Variants in SGCZ observed in about 807,000 individuals in gnomAD.
The protein encoded by SGCZ is sarcoglycan zeta.
In SGCZ, 40 loss-of-function variants were observed where a neutral mutation model predicts 41.3. The ratio of observed to expected loss-of-function variants is 0.97; its 90% confidence interval spans 0.75 to 1.26. SGCZ has a LOEUF of 1.26. SGCZ is among the 50% of genes most tolerant of loss of function. SGCZ has a pLI of 0.00. For synonymous variants in SGCZ, 206 were observed against 137.5 expected (o/e 1.50, Z -3.49); for missense variants, 552 against 369.8 (o/e 1.49, Z -4.04).
At chr8:14,356,606 A>G (rs897345783) in intron 2 of SGCZ, among the ~76,000 whole-genome samples, 1 of 152,106 alleles carries the variant, frequency 6.6e-6, no homozygotes, top group African/African-American at 2.4e-5. Flanking sequence ...TTTTAGCCCA[A>G]TATAATAGAA....
chr8:14,125,312 G>A (rs907255154), intron 5 of SGCZ, among the ~76,000 whole-genome samples: 1 of 152,006 alleles, frequency 6.6e-6, no homozygotes, highest in African/African-American at 2.4e-5. Flanking sequence ...GACCATCCTG[G>A]CTAACATGGT....
chr8:14,963,802 T>C (rs1801043488), intron 1 of SGCZ, among the ~76,000 whole-genome samples: 1 of 152,212 alleles, frequency 6.6e-6, no homozygotes, highest in South Asian at 2.1e-4. Flanking sequence ...CTTACAAGAC[T>C]GTTTATTCCT....
intron 1 of SGCZ, among the ~76,000 whole-genome samples, chr8:14,720,861 T>C (rs184132842): frequency 1.2e-4 from 19 of 152,152 alleles, no homozygotes; most frequent in Admixed American, 6.6e-4. Context: ...TCTTCTACTG[T>C]TTTGTAAATC....
intron 1 of SGCZ, among the ~76,000 whole-genome samples, chr8:15,233,471 C>G (rs1409388297): frequency 6.6e-6 from 1 of 151,808 alleles, no homozygotes; most frequent in South Asian, 2.1e-4. Context: ...TGTTTAAATA[C>G]CTATGTATTT....
At chr8:14,183,563 T>C (rs981851749) in intron 4 of SGCZ, among the ~76,000 whole-genome samples, 2 of 152,300 alleles carry the variant, frequency 1.3e-5, no homozygotes, top group African/African-American at 4.8e-5. Flanking sequence ...AATCATTAAA[T>C]GTTTTAACTA....
intron 3 of SGCZ, among the ~76,000 whole-genome samples, chr8:14,287,253 C>CA (rs915876326): frequency 3.3e-5 from 5 of 150,788 alleles, no homozygotes; most frequent in African/African-American, 9.7e-5. Flanking sequence ...TACATAATAT[C>CA]AAAAAAATTA....
chr8:14,568,420 T>G (rs919127917), intron 1 of SGCZ, among the ~76,000 whole-genome samples: 3 of 123,120 alleles, frequency 2.4e-5, no homozygotes, highest in Non-Finnish European at 5.0e-5. Flanking sequence ...TTGATCGTTT[T>G]GAAAAAAAAA....
chr8:14,747,616 C>T (rs1292452358), intron 1 of SGCZ, among the ~76,000 whole-genome samples: 1 of 151,194 alleles, frequency 6.6e-6, no homozygotes, highest in Non-Finnish European at 1.5e-5. Flanking sequence ...ATTAAAATGA[C>T]ATATTCTGCA....
chr8:14,977,939 ATTG>A (rs1801534404), intron 1 of SGCZ, among the ~76,000 whole-genome samples: 1 of 151,654 alleles, frequency 6.6e-6, no homozygotes, highest in Non-Finnish European at 1.5e-5. Flanking sequence ...ATATCTAAAT[ATTG>A]TTTATTTTTT....
intron 2 of SGCZ, among the ~76,000 whole-genome samples, chr8:14,482,909 G>T (rs563203541): frequency 1.3e-5 from 2 of 151,984 alleles, no homozygotes; most frequent in South Asian, 4.2e-4. Context: ...GTCTCCGTTT[G>T]CAGACCACTA....
intron 1 of SGCZ, among the ~76,000 whole-genome samples, chr8:15,001,384 T>A (rs73203328): frequency 6.6e-6 from 1 of 152,274 alleles, no homozygotes; most frequent in Non-Finnish European, 1.5e-5. Flanking sequence ...TTTACTGGGA[T>A]ATTTGTCACA....
At position 14,153,925 on chromosome 8, in the gene SGCZ, A is replaced by T. The variant is rs201303499; in HGVS notation, c.547+10655T>A. 1.6e-4 allele frequency among the ~76,000 whole-genome samples: 18 copies of T among 109,870 alleles called. No individual in the cohort carries two copies. The East Asian group carries it at 4.5e-3, about 27-fold the overall frequency. The allele number at this position is 109,870 out of a possible 152,430, so 72.1% of individuals were successfully genotyped here. ...CTGTCTCTCTCTCTCTCTCTCTCTC[A>T]CACACACACACACAGACACACACAC... On this transcript the variant is annotated intron_variant, in intron 5 of 7. Transcript: ENST00000382080.
intron 1 of SGCZ, among the ~76,000 whole-genome samples, chr8:14,728,056 T>C (rs923720999): frequency 4.6e-5 from 7 of 152,106 alleles, no homozygotes; most frequent in Admixed American, 2.6e-4. Flanking sequence ...AAAATGTATC[T>C]ACGGTGATAA....
In SGCZ at chr8:14,309,161, AAAAACGAAAAAAGC is replaced by A. The variant is rs1411242831; in HGVS notation, c.336+14928_336+14941del. On this transcript the variant is annotated intron_variant, in intron 3 of 7. Coordinates refer to ENST00000382080, the MANE Select transcript of SGCZ (RefSeq NM_139167.4). ...GAACAGATGGGCACTCTGGTTTTTT[AAAAACGAAAAAAGC>A]AAAACTTGGCAAGCAAACCTGCTGC... The A allele has an allele frequency of 4.1e-6, 6 of 1,471,810 alleles. No homozygotes were observed. The African/African-American group carries it at 8.4e-5, about 21-fold the overall frequency. 91.2% of individuals were successfully genotyped at this position (1,471,810 alleles called of 1,614,324 possible).
chr8:14,120,612 A>G (rs926307256), intron 5 of SGCZ, among the ~76,000 whole-genome samples: 2 of 152,108 alleles, frequency 1.3e-5, no homozygotes, highest in Admixed American at 6.6e-5. Flanking sequence ...AATAAAACTA[A>G]CATGGTTCAC....
At chr8:15,160,289 T>C (rs951675563) in intron 1 of SGCZ, among the ~76,000 whole-genome samples, 1 of 152,304 alleles carries the variant, frequency 6.6e-6, no homozygotes, top group Non-Finnish European at 1.5e-5. Context: ...TTGTAGCAAT[T>C]CATCCAATTG....
chr8:14,194,287 T>C (rs1003188472), intron 4 of SGCZ, among the ~76,000 whole-genome samples: 4 of 151,970 alleles, frequency 2.6e-5, no homozygotes, highest in African/African-American at 9.7e-5. Flanking sequence ...TTTGGAATAC[T>C]GTAGTTTATT....
intron 1 of SGCZ, among the ~76,000 whole-genome samples, chr8:14,637,787 G>C (rs985372193): frequency 2.0e-5 from 3 of 151,750 alleles, no homozygotes; most frequent in Non-Finnish European, 2.9e-5. Context: ...AAATATGCAT[G>C]CATGTATCTT....
At chr8:15,094,107 G>A (rs913871140) in intron 1 of SGCZ, among the ~76,000 whole-genome samples, 4 of 151,924 alleles carry the variant, frequency 2.6e-5, no homozygotes, top group South Asian at 2.1e-4. Flanking sequence ...AGAGTGATAC[G>A]GCAGTTGTTT....
Sources: gnomAD v4.1 joint callset for allele counts (sites outside exome capture counted in the v4.1 genomes callset) on GRCh38, gnomAD v4.1.1 for gene constraint, MANE v1.5 for transcripts, NCBI Gene and HGNC (gene_info 2026-07-23, HGNC 2026-07-21) for gene names.